The following PRUNE2 variants were observed in gnomAD, a reference collection of about 807,000 sequenced individuals.
PRUNE2 encodes protein prune homolog 2.
PRUNE2 carries 164 observed loss-of-function variants against 252.0 expected under a neutral mutation model. The observed-to-expected ratio is 0.65, with a 90% CI of 0.57 to 0.74. PRUNE2 has a LOEUF of 0.74. Ranked by LOEUF, PRUNE2 falls within the 30% of genes least tolerant of loss-of-function variation. PRUNE2 has a pLI of 0.00. For missense variants in PRUNE2, 3,495 were observed against 3,711.0 expected, an observed-to-expected ratio of 0.94 and a Z score of 1.51; for synonymous variants, 1,292 against 1,350.2, an observed-to-expected ratio of 0.96 and a Z score of 0.94.
intron 3 of PRUNE2, among the ~76,000 whole-genome samples, chr9:76,847,095 A>T (rs1589554197): frequency 6.6e-6 from 1 of 152,124 alleles, no homozygotes; most frequent in East Asian, 1.9e-4. Flanking sequence ...GGGAGGCCGA[A>T]GCAGGCGAAT....
intron 6 of PRUNE2, among the ~76,000 whole-genome samples, chr9:76,783,461 T>C (rs1259537113): frequency 2.0e-5 from 3 of 152,162 alleles, no homozygotes; most frequent in Non-Finnish European, 4.4e-5. Flanking sequence ...GTGGGATCTC[T>C]AGAGGGGACC....
At chr9:76,681,958 G>A (rs1010856284) in intron 9 of PRUNE2, among the ~76,000 whole-genome samples, 1 of 152,120 alleles carries the variant, frequency 6.6e-6, no homozygotes, top group Non-Finnish European at 1.5e-5. Flanking sequence ...TTATTTTTAA[G>A]ATAAGCTGAT....
At chr9:76,755,076 T>G (rs972513312) in intron 6 of PRUNE2, among the ~76,000 whole-genome samples, 25 of 152,194 alleles carry the variant, frequency 1.6e-4, no homozygotes, top group African/African-American at 6.0e-4. Flanking sequence ...TCTTTTTTAT[T>G]CATTCGACGA....
At position 76,627,001 on chromosome 9, in the gene PRUNE2, G is replaced by A. The variant is rs116105349; in HGVS notation, c.9149+2191C>T. On this transcript the variant is annotated intron_variant, in intron 16 of 18. Coordinates refer to ENST00000376718, the MANE Select transcript of PRUNE2 (RefSeq NM_015225.3). Reference sequence around the variant, plus strand: ...TCTGTCACACCATGGAAGTGTTACCGTGTTTACTTGGAAAGTGGTCAATGC... The same window carrying A: ...TCTGTCACACCATGGAAGTGTTACCATGTTTACTTGGAAAGTGGTCAATGC... Among the ~76,000 whole-genome samples the A allele has an allele frequency of 8.7e-3, 1,324 of 152,206 alleles. 19 individuals are homozygous for A. Among genetic ancestry groups the A allele is most frequent in the African/African-American group, 0.029 (1,189 of 41,556 alleles).
chr9:76,694,758 T>TA lies in PRUNE2; in HGVS notation c.8276+8578dup, dbSNP rs72471210. Among the ~76,000 whole-genome samples, 6 of 151,800 alleles carry TA rather than the reference T, an allele frequency of 4.0e-5. No individual in the cohort carries two copies. In the South Asian group the frequency reaches 1.3e-3, roughly 32 times the overall value. The stretch of plus-strand genomic sequence containing the variant: ...ATTTTATTCATTATACAAAGGCAGT[T>TA]AAAAAAAATTTTTTTTAAATAAGAA... On this transcript the variant is annotated intron_variant, in intron 9 of 18. Transcript: ENST00000376718.
Position 76,706,045 on chromosome 9 carries a change from G to A in PRUNE2, c.6229C>T (p.Pro2077Ser), listed in dbSNP as rs556012013. 5 of 1,614,004 alleles carry A rather than the reference G, an allele frequency of 3.1e-6. No homozygotes were observed. In the South Asian group the frequency reaches 4.4e-5, roughly 14 times the overall value. ...TCACCATCTGCTTTCAAACTGAAGG[G>A]CTTCTTAGCATCTATCCACAAGTCA... is the stretch of plus-strand genomic sequence containing the variant. ...APDLWIDAKKPFSLKADGENP... is the reference protein window; with the variant it reads ...APDLWIDAKKSFSLKADGENP... Residue 2077 changes from proline to serine, a missense_variant, in exon 8 of 19, where the codon CCC becomes TCC. By Grantham distance (74) the Pro-to-Ser change is moderately conservative. Coordinates refer to ENST00000376718, the MANE Select transcript of PRUNE2 (RefSeq NM_015225.3).
chr9:76,725,271 T>C (rs779083127), intron 6 of PRUNE2, among the ~76,000 whole-genome samples: 1 of 152,234 alleles, frequency 6.6e-6, no homozygotes. Context: ...GCTGTGTCAA[T>C]ATTAACCTGA....
chr9:76,706,312 A>G lies in PRUNE2; in HGVS notation c.5962T>C (p.Ser1988Pro). 1 of 1,613,972 alleles carries G rather than the reference A, an allele frequency of 6.2e-7. No individual in the cohort carries two copies. The highest frequency in any genetic ancestry group is 8.5e-7 in the Non-Finnish European group (1 of 1,179,854). Residue 1988 changes from serine (S) to proline (P), a missense_variant, in exon 8 of 19, where the codon TCA becomes CCA. Transcript: ENST00000376718. ...EENSCVTSNV[S>P]TNEGQETNQW... The stretch of plus-strand genomic sequence containing the variant: ...TTTGTTTCTTGACCTTCATTAGTTG[A>G]AACATTAGATGTAACACAACTATTT...
chr9:76,767,783 G>C (rs2052580696), intron 6 of PRUNE2, among the ~76,000 whole-genome samples: 1 of 152,170 alleles, frequency 6.6e-6, no homozygotes, highest in Admixed American at 6.5e-5. Flanking sequence ...TAAAAACCCA[G>C]CTGGAGGGAG....
At chr9:76,653,784 T>C (rs529271535) in intron 10 of PRUNE2, among the ~76,000 whole-genome samples, 1 of 152,160 alleles carries the variant, frequency 6.6e-6, no homozygotes, top group Non-Finnish European at 1.5e-5. Flanking sequence ...CACCAGCTCT[T>C]ATGCCAATCT....
At chr9:76,632,341 T>C (rs975796069) in intron 15 of PRUNE2, among the ~76,000 whole-genome samples, 1 of 152,226 alleles carries the variant, frequency 6.6e-6, no homozygotes, top group Admixed American at 6.5e-5. Context: ...TATCTACAAG[T>C]TGCTAACACT....
Position 76,770,350 on chromosome 9 carries a change from A to T in PRUNE2, c.756+53282T>A, listed in dbSNP as rs183400523. ...TGGGAATGAGAATTCCTTGGGCATT[A>T]AAATATCAAGGATTTTTTTAAAGTG... On this transcript the variant is annotated intron_variant, in intron 6 of 18. Transcript: ENST00000376718. Among the ~76,000 whole-genome samples the T allele has an allele frequency of 3.3e-3, 502 of 152,310 alleles. 2 individuals carry two copies. The highest frequency in any genetic ancestry group is 5.5e-3 in the Non-Finnish European group (373 of 67,996).
intron 9 of PRUNE2, among the ~76,000 whole-genome samples, chr9:76,682,800 T>G (rs921842959): frequency 6.6e-6 from 1 of 152,144 alleles, no homozygotes; most frequent in Admixed American, 6.5e-5. Flanking sequence ...GGCTATCACT[T>G]GAAATATTTG....
intron 1 of PRUNE2, among the ~76,000 whole-genome samples, chr9:76,873,079 A>G (rs968675998): frequency 1.3e-5 from 2 of 152,114 alleles, no homozygotes; most frequent in African/African-American, 4.8e-5. Context: ...GAGACCACCA[A>G]GAGCTGGGAG....
Position 76,708,527 on chromosome 9 carries a change from A to T in PRUNE2, c.3747T>A (p.Pro1249=), listed in dbSNP as rs746752996. The change falls in exon 8 of 19, where the codon CCT becomes CCA. Residue 1249 remains proline (P), a synonymous_variant. Coordinates refer to ENST00000376718, the MANE Select transcript of PRUNE2 (RefSeq NM_015225.3). ...TTGCTGAATGGCTGGGGATTTCAGGAGGCAATTCCCTTTGCTCTGAATCTG... is the reference window on the plus strand; with the variant it reads ...TTGCTGAATGGCTGGGGATTTCAGGTGGCAATTCCCTTTGCTCTGAATCTG... ...HITDSEQREL[P]PEIPSHSANV... The T allele has an allele frequency of 6.2e-7, 1 of 1,613,894 alleles. No individual in the cohort carries two copies. Among genetic ancestry groups the T allele is most frequent in the Admixed American group, 1.7e-5 (1 of 60,006 alleles).
At chr9:76,799,068 C>T (rs1017144992) in intron 6 of PRUNE2, among the ~76,000 whole-genome samples, 4 of 152,128 alleles carry the variant, frequency 2.6e-5, no homozygotes, top group African/African-American at 4.8e-5. Context: ...TGGCCAAACG[C>T]GGTGGCTCAC....
intron 4 of PRUNE2, 66 bp downstream of exon 4, chr9:76,846,449 A>T: frequency 7.2e-7 from 1 of 1,386,900 alleles, no homozygotes; most frequent in Non-Finnish European, 9.8e-7. Context: ...CATTCTTTCT[A>T]CATGAGCAGG....
At chr9:76,642,892 A>AG (rs1245034770) in intron 12 of PRUNE2, among the ~76,000 whole-genome samples, 3 of 152,130 alleles carry the variant, frequency 2.0e-5, no homozygotes, top group Non-Finnish European at 2.9e-5. Context: ...GTGCCTGGAG[A>AG]GGGCCAAGGC....
At chr9:76,862,255 C>T (rs1390049205) in intron 1 of PRUNE2, 6 of 152,286 alleles carry the variant, frequency 3.9e-5, no homozygotes, top group South Asian at 2.1e-4. Flanking sequence ...CCCATCTCTA[C>T]TAAAAATACA....
Sources: allele counts gnomAD v4.1 joint callset (sites outside exome capture counted in the v4.1 genomes callset), GRCh38; gene constraint gnomAD v4.1.1; transcripts MANE v1.5; gene names NCBI Gene and HGNC (gene_info 2026-07-23, HGNC 2026-07-21).